The following HS3ST5 variants were observed in gnomAD, a reference collection of about 807,000 sequenced individuals.
HS3ST5 encodes the protein heparan sulfate glucosamine 3-O-sulfotransferase 5.
A neutral mutation model predicts 25.4 loss-of-function variants in HS3ST5; 10 were observed. That is an observed-to-expected ratio of 0.39 (90% CI 0.24 to 0.67). The LOEUF (loss-of-function observed/expected upper bound fraction) is 0.67, where lower values mean the gene tolerates loss of function less well. HS3ST5 is among the 30% of genes least tolerant of loss of function. HS3ST5 has a pLI of 0.44. For missense variants in HS3ST5, 324 were observed against 420.7 expected (o/e 0.77, Z 2.01); for synonymous variants, 170 against 162.4 (o/e 1.05, Z -0.36).
chr6:114,064,970 T>C (rs1489394398), intron 3 of HS3ST5, among the ~76,000 whole-genome samples: 1 of 151,408 alleles, frequency 6.6e-6, no homozygotes, highest in Non-Finnish European at 1.5e-5. Context: ...TGGACAAAGG[T>C]AGAGGGAAAG....
chr6:114,215,301 G>A (rs1287732679), intron 2 of HS3ST5, among the ~76,000 whole-genome samples: 1 of 152,034 alleles, frequency 6.6e-6, no homozygotes, highest in African/African-American at 2.4e-5. Flanking sequence ...GCGAGACTCT[G>A]TCTCAAAAAC....
chr6:114,076,467 G>T (rs1000337896), intron 3 of HS3ST5, among the ~76,000 whole-genome samples: 5 of 152,134 alleles, frequency 3.3e-5, no homozygotes, highest in Non-Finnish European at 7.4e-5. Context: ...GTTTTAAATA[G>T]TCCTGACCTC....
chr6:114,329,866 T>A (rs1308792107), intron 1 of HS3ST5, among the ~76,000 whole-genome samples: 2 of 152,206 alleles, frequency 1.3e-5, no homozygotes, highest in East Asian at 3.8e-4. Context: ...CAGTACATTA[T>A]TTAAATAGAA....
chr6:114,129,278 C>T (rs915843185), intron 3 of HS3ST5, among the ~76,000 whole-genome samples: 97 of 83,690 alleles, frequency 1.2e-3, no homozygotes, highest in African/African-American at 3.7e-3. Context: ...TTTTTTGAGA[C>T]GGAGTCTTGC....
chr6:114,207,428 C>T (rs535484679), intron 2 of HS3ST5, among the ~76,000 whole-genome samples: 1 of 152,222 alleles, frequency 6.6e-6, no homozygotes, highest in East Asian at 1.9e-4. Flanking sequence ...AAAAACAATA[C>T]TATCTCTGCT....
intron 2 of HS3ST5, among the ~76,000 whole-genome samples, chr6:114,207,043 G>A (rs1277951767): frequency 6.6e-6 from 1 of 152,100 alleles, no homozygotes; most frequent in Non-Finnish European, 1.5e-5. Context: ...TTCCAATAAG[G>A]TTATTTATTG....
chr6:114,188,908 C>G (rs531142127), intron 2 of HS3ST5, among the ~76,000 whole-genome samples: 1 of 152,148 alleles, frequency 6.6e-6, no homozygotes, highest in Non-Finnish European at 1.5e-5. Flanking sequence ...TCTCTTAGAG[C>G]CTTCTGCCTG....
At chr6:114,308,548 C>T (rs979843121) in intron 1 of HS3ST5, among the ~76,000 whole-genome samples, 6 of 152,144 alleles carry the variant, frequency 3.9e-5, no homozygotes, top group Non-Finnish European at 7.4e-5. Context: ...GATCACACCA[C>T]TGCACTCCAG....
chr6:114,200,529 G>A (rs1780962836), intron 2 of HS3ST5, among the ~76,000 whole-genome samples: 1 of 152,082 alleles, frequency 6.6e-6, no homozygotes, highest in Non-Finnish European at 1.5e-5. Context: ...GTACTTTCTT[G>A]TTCTATACCT....
At chr6:114,220,972 T>G (rs1782001566) in intron 2 of HS3ST5, among the ~76,000 whole-genome samples, 2 of 152,016 alleles carry the variant, frequency 1.3e-5, no homozygotes, top group South Asian at 4.1e-4. Flanking sequence ...ATGAAAAATC[T>G]CAAGTAGAGT....
chr6:114,290,696 T>G (rs1226329010), intron 1 of HS3ST5, among the ~76,000 whole-genome samples: 2 of 152,118 alleles, frequency 1.3e-5, no homozygotes, highest in Non-Finnish European at 2.9e-5. Flanking sequence ...AAACACAGGC[T>G]CATTGGGAAC....
chr6:114,287,947 C>T (rs1298722573), intron 1 of HS3ST5, among the ~76,000 whole-genome samples: 2 of 151,902 alleles, frequency 1.3e-5, no homozygotes, highest in Admixed American at 1.3e-4. Context: ...GGGAATCGTC[C>T]TTGAAATTTT....
intron 1 of HS3ST5, among the ~76,000 whole-genome samples, chr6:114,304,170 C>T (rs1582801890): frequency 6.6e-6 from 1 of 152,254 alleles, no homozygotes; most frequent in East Asian, 1.9e-4. Context: ...ACTACATCAA[C>T]ACCTGCTACT....
rs144420865 is a variant in HS3ST5 at position 114,175,503 on chromosome 6, A to G, written c.-144-7041T>C. 4.9e-4 allele frequency among the ~76,000 whole-genome samples: 75 copies of G among 152,320 alleles called. 1 individual carries two copies. In the East Asian group the frequency reaches 0.014, roughly 29 times the overall value. On this transcript the variant is annotated intron_variant, in intron 2 of 4. Transcript: ENST00000312719. ...GCTGACCTCCTCAGACCACCTCTGA[A>G]ATACAGTAAGCATTTATTAAGAATA... is the stretch of plus-strand genomic sequence containing the variant.
intron 3 of HS3ST5, among the ~76,000 whole-genome samples, chr6:114,107,164 A>G (rs1287763387): frequency 6.6e-6 from 1 of 152,164 alleles, no homozygotes; most frequent in Non-Finnish European, 1.5e-5. Context: ...CTTTTTGAGA[A>G]GAAAAATAGA....
At position 114,057,431 on chromosome 6, in the gene HS3ST5, G is replaced by C; in HGVS notation, c.867C>G (p.Thr289=). Residue 289 remains threonine, a synonymous_variant, in exon 5 of 5, where the codon ACC becomes ACG. Coordinates refer to ENST00000312719, the MANE Select transcript of HS3ST5 (RefSeq NM_153612.4). ...TAAACCGCAAGCAGTAAAACCCTCT[G>C]GTAGCATTGAAGTATAAATTGTATT... ...ISQYNLYFNA[T]RGFYCLRFNI... 6.2e-7 allele frequency: 1 copy of C among 1,614,086 alleles called. No homozygotes were observed. The highest frequency in any genetic ancestry group is 8.5e-7 in the Non-Finnish European group (1 of 1,180,026).
intron 1 of HS3ST5, among the ~76,000 whole-genome samples, chr6:114,294,979 A>C (rs1774752513): frequency 6.6e-6 from 1 of 152,192 alleles, no homozygotes; most frequent in Non-Finnish European, 1.5e-5. Context: ...AATATCATTA[A>C]TATTATTACA....
intron 3 of HS3ST5, among the ~76,000 whole-genome samples, chr6:114,079,107 G>C (rs1175734904): frequency 6.6e-6 from 1 of 152,164 alleles, no homozygotes; most frequent in Non-Finnish European, 1.5e-5. Context: ...GTCTTGCTTC[G>C]ATGTTGATGG....
chr6:114,184,188 G>C (rs1477300282), intron 2 of HS3ST5, among the ~76,000 whole-genome samples: 1 of 149,280 alleles, frequency 6.7e-6, no homozygotes, highest in African/African-American at 2.5e-5. Flanking sequence ...CCTCTATCTA[G>C]CTGAGAAGAT....
Sources: gnomAD v4.1 joint callset for allele counts (sites outside exome capture counted in the v4.1 genomes callset) on GRCh38, gnomAD v4.1.1 for gene constraint, MANE v1.5 for transcripts, NCBI Gene and HGNC (gene_info 2026-07-23, HGNC 2026-07-21) for gene names.